SERPINI1: variants seen among roughly 807,000 people sequenced by gnomAD.
SERPINI1 encodes the protein neuroserpin.
In SERPINI1, 19 loss-of-function variants were observed where a neutral mutation model predicts 41.1. That is an observed-to-expected ratio of 0.46 (90% CI 0.32 to 0.68). SERPINI1 has a LOEUF of 0.68. Ranked by LOEUF, SERPINI1 falls within the 30% of genes least tolerant of loss-of-function variation. The probability of loss-of-function intolerance (pLI) is 0.03; values close to 1 mark genes in which losing one functional copy is unlikely to be tolerated. For synonymous variants in SERPINI1, 138 were observed against 156.6 expected (o/e 0.88, Z 0.89); for missense variants, 460 against 479.2 (o/e 0.96, Z 0.37).
At chr3:167,807,470 C>T in intron 6 of SERPINI1, 129 bp downstream of exon 6, 1 of 643,790 alleles carries the variant, frequency 1.6e-6, no homozygotes, top group Non-Finnish European at 2.7e-6. Flanking sequence ...ATAAATCTAG[C>T]ATGAAATACA....
chr3:167,823,047 A>G lies in SERPINI1; in HGVS notation c.1041A>G (p.Glu347=). The G allele has an allele frequency of 1.9e-6, 3 of 1,609,134 alleles. No individual in the cohort carries two copies. The highest frequency in any genetic ancestry group is 2.6e-6 in the Non-Finnish European group (3 of 1,175,496). Residue 347 remains glutamate, a synonymous_variant, in exon 7 of 9, where the codon GAA becomes GAG. Transcript: ENST00000446050. ...AGTCCTTCCTAGAGGTTAATGAAGA[A>G]GGCTCAGAAGCTGCTGCTGTCTCAG... The part of the protein sequence containing the change: ...IHKSFLEVNE[E]GSEAAAVSGM...
intron 1 of SERPINI1, 87 bp from the exon 2 acceptor site, chr3:167,789,024 T>C: frequency 7.5e-7 from 1 of 1,341,316 alleles, no homozygotes; most frequent in African/African-American, 1.5e-5. Flanking sequence ...ATTGACTTTT[T>C]AAAAGTAGAA....
intron 1 of SERPINI1, among the ~76,000 whole-genome samples, chr3:167,737,157 C>A (rs934712372): frequency 1.3e-5 from 2 of 151,990 alleles, no homozygotes; most frequent in African/African-American, 4.8e-5. Context: ...CAAATGAATT[C>A]TCTTCCCAGA....
At chr3:167,824,856 T>C (rs1017622283) in intron 8 of SERPINI1, among the ~76,000 whole-genome samples, 3 of 151,894 alleles carry the variant, frequency 2.0e-5, no homozygotes, top group African/African-American at 7.3e-5. Context: ...CTGGGTAACA[T>C]AGTGAGACCC....
intron 1 of SERPINI1, among the ~76,000 whole-genome samples, chr3:167,766,009 A>G (rs746276636): frequency 6.6e-5 from 10 of 152,112 alleles, no homozygotes; most frequent in Non-Finnish European, 8.8e-5. Context: ...AAGCAATTCA[A>G]CAAGTCTCTA....
At chr3:167,738,877 A>G (rs1043100057) in intron 1 of SERPINI1, among the ~76,000 whole-genome samples, 2 of 151,580 alleles carry the variant, frequency 1.3e-5, no homozygotes, top group African/African-American at 4.8e-5. Context: ...ATTATTAACC[A>G]TAAAAATCCT....
intron 1 of SERPINI1, among the ~76,000 whole-genome samples, chr3:167,788,073 G>A (rs915052778): frequency 1.3e-5 from 2 of 152,150 alleles, no homozygotes; most frequent in South Asian, 2.1e-4. Flanking sequence ...TCAAGAACAA[G>A]TAAGTTACTT....
chr3:167,825,101 G>A, intron 8 of SERPINI1, 146 bp from the exon 9 acceptor site: 1 of 693,682 alleles, frequency 1.4e-6, no homozygotes, highest in Admixed American at 2.1e-5. Flanking sequence ...GGAAGAGAGA[G>A]AGGAAGGAAG....
At chr3:167,767,571 A>T (rs1392222041) in intron 1 of SERPINI1, among the ~76,000 whole-genome samples, 1 of 152,124 alleles carries the variant, frequency 6.6e-6, no homozygotes, top group Non-Finnish European at 1.5e-5. Flanking sequence ...GGGCAAAGTA[A>T]ATTGAAATTT....
chr3:167,822,211 T>C (rs750830577), intron 6 of SERPINI1, among the ~76,000 whole-genome samples: 19 of 152,188 alleles, frequency 1.2e-4, no homozygotes, highest in African/African-American at 4.3e-4. Context: ...GCTAGTCATA[T>C]TGGATTAGGA....
chr3:167,815,055 C>A (rs896006883), intron 6 of SERPINI1, among the ~76,000 whole-genome samples: 1 of 152,214 alleles, frequency 6.6e-6, no homozygotes, highest in African/African-American at 2.4e-5. Context: ...CATTCTGATT[C>A]AATTTATCAA....
At chr3:167,744,109 A>G (rs945777158) in intron 1 of SERPINI1, among the ~76,000 whole-genome samples, 2 of 152,124 alleles carry the variant, frequency 1.3e-5, no homozygotes, top group Non-Finnish European at 2.9e-5. Context: ...ACTGGTTAAG[A>G]ATGTCAGCTC....
intron 7 of SERPINI1, among the ~76,000 whole-genome samples, 176 bp from the exon 8 acceptor site, chr3:167,824,297 A>C (rs1235613315): frequency 6.6e-6 from 1 of 152,192 alleles, no homozygotes; most frequent in African/African-American, 2.4e-5. Context: ...CTTTTTAAAA[A>C]GATCAAGTAG....
chr3:167,789,091 T>A lies in SERPINI1; in HGVS notation c.-18-20T>A. On this transcript the variant is annotated intron_variant, in intron 1 of 8. Coordinates refer to ENST00000446050, the MANE Select transcript of SERPINI1 (RefSeq NM_001122752.2). Reference sequence around the variant, plus strand: ...TTATAGAGATAACTAATAATTAATATGTAAATTGTTGTTTTTTAGGCTTGA... The same window carrying A: ...TTATAGAGATAACTAATAATTAATAAGTAAATTGTTGTTTTTTAGGCTTGA... 1.9e-6 allele frequency: 3 copies of A among 1,608,188 alleles called. No individual in the cohort carries two copies. Among genetic ancestry groups the A allele is most frequent in the South Asian group, 2.2e-5 (2 of 90,852 alleles).
At chr3:167,818,771 A>G (rs748652486) in intron 6 of SERPINI1, among the ~76,000 whole-genome samples, 65 of 152,176 alleles carry the variant, frequency 4.3e-4, no homozygotes, top group Non-Finnish European at 9.0e-4. Context: ...ATATTACAAC[A>G]TTTGGGACAC....
At chr3:167,793,838 A>ATGTGTGTGTGTGTGTGTGTGTGTG (rs56401913) in intron 4 of SERPINI1, among the ~76,000 whole-genome samples, 7 of 141,238 alleles carry the variant, frequency 5.0e-5, no homozygotes, top group African/African-American at 1.9e-4. Context: ...GGCCATATGT[A>ATGTGTGTGTGTGTGTGTGTGTGTG]TGTGTGTGTG....
chr3:167,809,775 A>G (rs946035097), intron 6 of SERPINI1, among the ~76,000 whole-genome samples: 14 of 152,180 alleles, frequency 9.2e-5, no homozygotes, highest in African/African-American at 3.4e-4. Context: ...ACTGAAGGGT[A>G]AAAAAGATGA....
At chr3:167,802,930 C>T (rs28573853) in intron 5 of SERPINI1, among the ~76,000 whole-genome samples, 73,643 of 146,266 alleles carry the variant, frequency 0.5, 19,741 homozygotes, top group African/African-American at 0.61. Flanking sequence ...ATATACACCA[C>T]GGAATACTAT....
At chr3:167,755,876 G>A (rs1419956861) in intron 1 of SERPINI1, among the ~76,000 whole-genome samples, 1 of 145,300 alleles carries the variant, frequency 6.9e-6, no homozygotes, top group Non-Finnish European at 1.5e-5. Context: ...CTCAGACACT[G>A]ATATTCAGTG....
Sources: allele counts gnomAD v4.1 joint callset (sites outside exome capture counted in the v4.1 genomes callset), GRCh38; gene constraint gnomAD v4.1.1; transcripts MANE v1.5; gene names NCBI Gene and HGNC (gene_info 2026-07-23, HGNC 2026-07-21).